GALNT17: variants seen among roughly 807,000 people sequenced by gnomAD.
GALNT17 encodes the protein UDP-GalNAc:polypeptide N-acetylgalactosaminyltransferase-like 3.
Under a neutral mutation model 63.7 loss-of-function variants are expected in GALNT17, and 29 were observed. The ratio of observed to expected loss-of-function variants is 0.46; its 90% CI spans 0.34 to 0.62. GALNT17 has a LOEUF of 0.62. Ranked by LOEUF, GALNT17 falls within the 20% of genes least tolerant of loss-of-function variation. The pLI, the probability that GALNT17 is intolerant of heterozygous loss-of-function variation, is 0.01. For synonymous variants in GALNT17, 305 were observed against 318.3 expected, an observed-to-expected ratio of 0.96 and a Z score of 0.45; for missense variants, 603 against 799.6, an observed-to-expected ratio of 0.75 and a Z score of 2.97.
intron 1 of GALNT17, among the ~76,000 whole-genome samples, chr7:71,241,019 A>G (rs1485527138): frequency 2.6e-5 from 4 of 151,954 alleles, no homozygotes; most frequent in Non-Finnish European, 4.4e-5. Context: ...TGTCTTTGAT[A>G]TTGGGAATGG....
At chr7:71,435,387 T>C (rs1786940415) in intron 5 of GALNT17, among the ~76,000 whole-genome samples, 2 of 152,108 alleles carry the variant, frequency 1.3e-5, no homozygotes, top group Admixed American at 1.3e-4. Context: ...AAAACAAACC[T>C]CCTCTTGCCT....
intron 2 of GALNT17, among the ~76,000 whole-genome samples, chr7:71,367,960 A>T (rs1792545935): frequency 6.6e-6 from 1 of 152,194 alleles, no homozygotes; most frequent in South Asian, 2.1e-4. Context: ...ACTGGACCCT[A>T]GGAGAGGACT....
chr7:71,270,602 T>C (rs376366394), intron 1 of GALNT17, among the ~76,000 whole-genome samples: 24 of 133,462 alleles, frequency 1.8e-4, no homozygotes, highest in African/African-American at 5.4e-4. Context: ...AAGAGAATAA[T>C]ATAATGGACT....
chr7:71,683,527 CAG>C (rs1477966532), intron 9 of GALNT17, among the ~76,000 whole-genome samples: 1 of 152,132 alleles, frequency 6.6e-6, no homozygotes, highest in Non-Finnish European at 1.5e-5. Flanking sequence ...AGCAATTAAA[CAG>C]AGATAAAATA....
At chr7:71,607,914 C>T (rs1790070145) in intron 6 of GALNT17, among the ~76,000 whole-genome samples, 1 of 152,182 alleles carries the variant, frequency 6.6e-6, no homozygotes, top group Non-Finnish European at 1.5e-5. Context: ...AGCTATGCTA[C>T]AGTAACAACT....
intron 1 of GALNT17, among the ~76,000 whole-genome samples, chr7:71,211,641 A>G (rs186676641): frequency 5.6e-4 from 85 of 152,266 alleles, no homozygotes; most frequent in African/African-American, 2.0e-3. Context: ...CTTCCTAGAG[A>G]CTTGTTGAAT....
chr7:71,569,203 C>G (rs1789397126), intron 5 of GALNT17, among the ~76,000 whole-genome samples: 1 of 152,146 alleles, frequency 6.6e-6, no homozygotes, highest in African/African-American at 2.4e-5. Context: ...ATCTCCTGAC[C>G]TTGTGATCCC....
At chr7:71,529,760 G>A (rs565111119) in intron 5 of GALNT17, among the ~76,000 whole-genome samples, 3 of 152,210 alleles carry the variant, frequency 2.0e-5, no homozygotes, top group Non-Finnish European at 4.4e-5. Context: ...TACTCTGTAA[G>A]AGAAGGTTGA....
chr7:71,590,823 G>A (rs1480284950), intron 6 of GALNT17, among the ~76,000 whole-genome samples: 2 of 152,116 alleles, frequency 1.3e-5, no homozygotes, highest in African/African-American at 2.4e-5. Flanking sequence ...CGCCTCCTGA[G>A]TTCAAGCGAT....
chr7:71,593,181 A>C (rs2867473), intron 6 of GALNT17, among the ~76,000 whole-genome samples: 72,208 of 147,112 alleles, frequency 0.49, 19,898 homozygotes, highest in East Asian at 0.75. Flanking sequence ...AATAATAATA[A>C]ATTTTTAAAA....
At chr7:71,279,776 TG>T (rs1320473615) in intron 1 of GALNT17, among the ~76,000 whole-genome samples, 1 of 149,788 alleles carries the variant, frequency 6.7e-6, no homozygotes. Flanking sequence ...CGAAGCGAAA[TG>T]GGGGGCAAAC....
chr7:71,567,653 C>T (rs542696598), intron 5 of GALNT17, among the ~76,000 whole-genome samples: 1 of 152,128 alleles, frequency 6.6e-6, no homozygotes. Flanking sequence ...TTAGTAGAGA[C>T]GGGGTGTCAC....
chr7:71,603,687 T>G (rs933444694), intron 6 of GALNT17, among the ~76,000 whole-genome samples: 1 of 151,558 alleles, frequency 6.6e-6, no homozygotes, highest in Admixed American at 6.6e-5. Context: ...CACTAACTAC[T>G]ATGCTAAGTG....
rs149180471 is a variant in GALNT17, at chr7:71,487,961, A to T, written c.962+66856A>T. ...GGCAGGAGGATCACTTGAGGCCAGG[A>T]GTTTGAGACCAGCCTAGACAACATA... On this transcript the variant is annotated intron_variant, in intron 5 of 10. Transcript: ENST00000333538. 2.6e-4 allele frequency among the ~76,000 whole-genome samples: 40 copies of T among 152,192 alleles called. No homozygotes were observed. The South Asian group carries it at 6.9e-3, about 26-fold the overall frequency.
intron 2 of GALNT17, among the ~76,000 whole-genome samples, chr7:71,363,116 A>T (rs11972878): frequency 1.3e-5 from 2 of 151,848 alleles, no homozygotes; most frequent in Non-Finnish European, 2.9e-5. Context: ...GCAGGCACGC[A>T]CCACGATGCC....
intron 5 of GALNT17, among the ~76,000 whole-genome samples, chr7:71,456,644 A>C (rs1178033774): frequency 2.0e-5 from 3 of 152,016 alleles, no homozygotes; most frequent in African/African-American, 7.2e-5. Context: ...GAATCGCTTG[A>C]ACTCTTGGCG....
chr7:71,463,451 C>A (rs1190376671), intron 5 of GALNT17, among the ~76,000 whole-genome samples: 1 of 152,082 alleles, frequency 6.6e-6, no homozygotes, highest in African/African-American at 2.4e-5. Context: ...GGTCCCAATC[C>A]AGACCTCAAG....
At chr7:71,565,975 C>G (rs1789337053) in intron 5 of GALNT17, among the ~76,000 whole-genome samples, 1 of 151,634 alleles carries the variant, frequency 6.6e-6, no homozygotes, top group African/African-American at 2.4e-5. Flanking sequence ...TCCCGAGTAG[C>G]TAGGATTACA....
intron 6 of GALNT17, among the ~76,000 whole-genome samples, chr7:71,612,996 A>T (rs1393627932): frequency 6.6e-6 from 1 of 152,178 alleles, no homozygotes; most frequent in Non-Finnish European, 1.5e-5. Flanking sequence ...AAGGTGGTTA[A>T]CGGCCCCCCT....
Sources: allele counts gnomAD v4.1 joint callset (sites outside exome capture counted in the v4.1 genomes callset), GRCh38; gene constraint gnomAD v4.1.1; transcripts MANE v1.5; gene names NCBI Gene and HGNC (gene_info 2026-07-23, HGNC 2026-07-21).